Variants in ABCB7 observed in about 807,000 individuals in gnomAD.
The protein encoded by ABCB7 is ATP binding cassette subfamily B member 7, also known as iron-sulfur clusters transporter ABCB7, mitochondrial.
A neutral mutation model predicts 54.4 loss-of-function variants in ABCB7; 7 were observed. The ratio of observed to expected loss-of-function variants is 0.13; its 90% CI spans 0.07 to 0.24. The LOEUF is 0.24. Among genes scored for constraint, ABCB7 ranks in the 10% least tolerant of loss-of-function variants. The pLI, the probability that ABCB7 is intolerant of heterozygous loss-of-function variation, is 1.00. For missense variants in ABCB7, 356 were observed against 570.4 expected (o/e 0.62, Z 3.83); for synonymous variants, 218 against 207.1 (o/e 1.05, Z -0.45).
At chrX:75,133,318 A>G (rs780733102) in intron 1 of ABCB7, among the ~76,000 whole-genome samples, 6 of 112,233 alleles carry the variant, frequency 5.3e-5, no homozygotes, top group African/African-American at 1.9e-4. Flanking sequence ...TCTGGGAGAA[A>G]TATGGTATTA....
intron 2 of ABCB7, among the ~76,000 whole-genome samples, chrX:75,113,446 C>T (rs2081779800): frequency 8.9e-6 from 1 of 111,977 alleles, no homozygotes; most frequent in African/African-American, 3.2e-5. Flanking sequence ...CTCATATATA[C>T]ATTTAGAAAC....
intron 3 of ABCB7, among the ~76,000 whole-genome samples, chrX:75,099,306 T>A (rs1395106578): frequency 1.8e-5 from 2 of 111,993 alleles, no homozygotes; most frequent in Non-Finnish European, 3.8e-5. Context: ...ACTCTCATAT[T>A]GTTAAAAAAG....
rs769244206 is a variant in ABCB7 at position 75,058,427 on chromosome X, T to C, written c.2043+1796A>G. On this transcript the variant is annotated intron_variant, in intron 15 of 15. Coordinates refer to ENST00000373394, the MANE Select transcript of ABCB7 (RefSeq NM_001271696.3). ...TAGGGGAAGAAGAGATAAACAAATG[T>C]ATCCAACCTTCCATGTTTAACTAGA... 4.5e-5 allele frequency among the ~76,000 whole-genome samples: 5 copies of C among 111,982 alleles called. No individual in the cohort carries two copies. The South Asian group carries it at 1.1e-3, about 25-fold the overall frequency.
At chrX:75,099,723 T>C (rs185296129) in intron 3 of ABCB7, among the ~76,000 whole-genome samples, 1 of 111,062 alleles carries the variant, frequency 9.0e-6, no homozygotes, top group African/African-American at 3.3e-5. Flanking sequence ...ATATTAAGAA[T>C]AAAAACCACA....
Position 75,132,097 on chromosome X carries a change from C to T in ABCB7, c.169-17266G>A, listed in dbSNP as rs980662399. Among the ~76,000 whole-genome samples, 22 of 111,340 alleles carry T rather than the reference C, an allele frequency of 2.0e-4. 1 individual carries two copies. Among genetic ancestry groups the T allele is most frequent in the Non-Finnish European group, 3.6e-4 (19 of 52,939 alleles). ...CTTCCCCACACTTGGCTGAACATTC[C>T]CATTGTTAGTGGCTCTGTGTTTCTC... On this transcript the variant is annotated intron_variant, in intron 1 of 15. Coordinates refer to ENST00000373394, the MANE Select transcript of ABCB7 (RefSeq NM_001271696.3).
rs772845174 is a variant in ABCB7 at position 75,099,067 on chromosome X, GA to G, written c.334-7del. The G allele has an allele frequency of 3.8e-5, 46 of 1,203,217 alleles. No homozygotes were observed. The highest frequency in any genetic ancestry group is 1.8e-4 in the African/African-American group (10 of 57,076). On this transcript the variant is annotated splice_polypyrimidine_tract_variant and splice_region_variant and intron_variant, in intron 3 of 15. Coordinates refer to ENST00000373394, the MANE Select transcript of ABCB7 (RefSeq NM_001271696.3). ...CGAGTATCAACATCTTTTAACTATT[GA>G]AAGAGAGAAAACAAAGCAGTGAATA...
At chrX:75,114,623 T>C in intron 2 of ABCB7, 131 bp downstream of exon 2, 1 of 480,449 alleles carries the variant, frequency 2.1e-6, no homozygotes, top group East Asian at 5.3e-5. Context: ...AAACATACCT[T>C]CTTATTCATC....
intron 15 of ABCB7, among the ~76,000 whole-genome samples, chrX:75,056,652 C>T (rs2081242510): frequency 9.0e-6 from 1 of 111,398 alleles, no homozygotes; most frequent in East Asian, 2.8e-4. Flanking sequence ...AGCTTCTAGG[C>T]CTCTTCAGTG....
intron 1 of ABCB7, among the ~76,000 whole-genome samples, chrX:75,128,150 A>G (rs773850013): frequency 8.9e-5 from 10 of 111,771 alleles, no homozygotes; most frequent in Admixed American, 9.5e-5. Context: ...AGAGAATCCT[A>G]AAGAAAAAGA....
Position 75,156,266 on chromosome X carries a change from G to C in ABCB7, c.7C>G (p.Leu3Val), listed in dbSNP as rs1487874589. 4 of 1,204,004 alleles carry C rather than the reference G, an allele frequency of 3.3e-6. No homozygotes were observed. The highest frequency in any genetic ancestry group is 3.6e-5 in the South Asian group (2 of 55,724). MA[L>V]LAMHSWRWAA... ...CAGCGCCAAGAATGCATCGCGAGCA[G>C]CGCCATCTTGAGCGAGGAAAGAGGA... Residue 3 changes from leucine to valine, a missense_variant, in exon 1 of 16, where the codon CTG becomes GTG. Physicochemically the swap from Leu to Val is conservative, Grantham distance 32. This residue lies in a region of ABCB7 where 115 missense variants were observed against 99.5 expected (regional missense o/e 1.16). Coordinates refer to ENST00000373394, the MANE Select transcript of ABCB7 (RefSeq NM_001271696.3).
intron 1 of ABCB7, among the ~76,000 whole-genome samples, chrX:75,132,334 G>T (rs2081980379): frequency 8.8e-6 from 1 of 113,035 alleles, no homozygotes; most frequent in African/African-American, 3.2e-5. Context: ...CACCAGGCAG[G>T]GAACTCTGGC....
rs1292404827 is a variant in ABCB7, at chrX:75,052,495, T to C, written c.*875A>G. On this transcript the variant is annotated 3_prime_UTR_variant, in exon 16 of 16. Coordinates refer to ENST00000373394, the MANE Select transcript of ABCB7 (RefSeq NM_001271696.3). ...AAAAAAAAAAAAAAAATTCTAAGTA[T>C]AGGCTGGGCATGATGGCTCACACCT... 1 of 99,351 alleles carries C rather than the reference T, an allele frequency of 1.0e-5. No homozygotes were observed. The highest frequency in any genetic ancestry group is 2.0e-5 in the Non-Finnish European group (1 of 50,418). 8.2% of individuals were successfully genotyped at this position (99,351 alleles called of 1,213,427 possible).
intron 1 of ABCB7, among the ~76,000 whole-genome samples, chrX:75,128,491 A>C (rs755916042): frequency 2.7e-4 from 30 of 112,250 alleles, no homozygotes; most frequent in African/African-American, 9.1e-4. Context: ...AAAACCATGA[A>C]ATCCCTACAA....
intron 4 of ABCB7, chrX:75,097,430 A>T (rs141585402): frequency 8.9e-6 from 1 of 111,951 alleles, no homozygotes; most frequent in Non-Finnish European, 1.9e-5. Context: ...CCCGACTGGC[A>T]CTTCTTTAAA....
chrX:75,062,592 A>G (rs756584892), intron 13 of ABCB7, 161 bp from the exon 14 acceptor site: 27 of 462,256 alleles, frequency 5.8e-5, no homozygotes, highest in Non-Finnish European at 9.2e-5. Context: ...TTCATATACA[A>G]TATCTTTTGA....
chrX:75,113,175 C>G (rs747454087), intron 2 of ABCB7, among the ~76,000 whole-genome samples: 1 of 112,175 alleles, frequency 8.9e-6, no homozygotes, highest in Admixed American at 9.4e-5. Context: ...ACAACAAACT[C>G]ATACTGAAGT....
At chrX:75,154,132 T>C (rs749433947) in intron 1 of ABCB7, among the ~76,000 whole-genome samples, 6 of 111,283 alleles carry the variant, frequency 5.4e-5, no homozygotes, top group Admixed American at 9.6e-5. Flanking sequence ...TCCATGCCTT[T>C]AAGAAACAGA....
At chrX:75,121,922 T>C (rs2147536844) in intron 1 of ABCB7, among the ~76,000 whole-genome samples, 1 of 111,547 alleles carries the variant, frequency 9.0e-6, no homozygotes, top group South Asian at 3.9e-4. Context: ...ACCCTCACAG[T>C]TAGGCAGGAA....
At chrX:75,139,450 CTT>C (rs1392735762) in intron 1 of ABCB7, among the ~76,000 whole-genome samples, 1 of 111,866 alleles carries the variant, frequency 8.9e-6, no homozygotes, top group Non-Finnish European at 1.9e-5. Context: ...AATTTACCAC[CTT>C]CCTAAATCCT....
Sources: gnomAD v4.1 joint callset for allele counts (sites outside exome capture counted in the v4.1 genomes callset) on GRCh38, gnomAD v4.1.1 for gene constraint, gnomAD v4.1.1 regional missense constraint, MANE v1.5 for transcripts, NCBI Gene and HGNC (gene_info 2026-07-23, HGNC 2026-07-21) for gene names.